Variants in PLCL1 observed in about 807,000 individuals in gnomAD.
PLCL1 encodes the protein inactive phospholipase C-like protein 1.
Under a neutral mutation model 84.4 loss-of-function variants are expected in PLCL1, and 41 were observed. That is an observed-to-expected ratio of 0.49 (90% confidence interval 0.38 to 0.63). The LOEUF (loss-of-function observed/expected upper bound fraction) is 0.63. Ranked by LOEUF, PLCL1 falls within the 30% of genes least tolerant of loss-of-function variation. PLCL1 has a pLI of 0.00. For missense variants in PLCL1, 1,206 were observed against 1,367.8 expected (o/e 0.88, Z 1.87); for synonymous variants, 490 against 488.3 (o/e 1.00, Z -0.05).
rs564250776 is a variant in PLCL1, at chr2:197,934,901, A to G, written c.240+129562A>G. 8.5e-5 allele frequency among the ~76,000 whole-genome samples: 13 copies of G among 152,328 alleles called. No homozygotes were observed. In the South Asian group the frequency reaches 2.7e-3, roughly 32 times the overall value. On this transcript the variant is annotated intron_variant, in intron 1 of 5. Coordinates refer to ENST00000428675, the MANE Select transcript of PLCL1 (RefSeq NM_006226.4). ...CAAATTCTGCATCTGACAAGGGTTTAATATTCAGAATCTAAATGAACTTAA... is the reference window on the plus strand; with the variant it reads ...CAAATTCTGCATCTGACAAGGGTTTGATATTCAGAATCTAAATGAACTTAA...
intron 1 of PLCL1, among the ~76,000 whole-genome samples, chr2:197,956,601 A>G (rs897094064): frequency 2.6e-5 from 4 of 152,136 alleles, no homozygotes; most frequent in African/African-American, 9.7e-5. Context: ...TGACTTTTTA[A>G]TAATCGCCAT....
intron 1 of PLCL1, among the ~76,000 whole-genome samples, chr2:197,866,184 A>G (rs1687538418): frequency 9.2e-6 from 1 of 108,264 alleles, no homozygotes; most frequent in Non-Finnish European, 1.8e-5. Context: ...AACTATATAT[A>G]TATATAAACT....
At chr2:198,139,825 TG>T (rs1694341187) in intron 5 of PLCL1, among the ~76,000 whole-genome samples, 2 of 152,190 alleles carry the variant, frequency 1.3e-5, no homozygotes, top group Non-Finnish European at 2.9e-5. Flanking sequence ...AGACCACCAT[TG>T]TTTCCAAAGC....
At chr2:198,020,375 T>C (rs1184669134) in intron 1 of PLCL1, among the ~76,000 whole-genome samples, 4 of 152,108 alleles carry the variant, frequency 2.6e-5, no homozygotes, top group African/African-American at 9.7e-5. Flanking sequence ...AGGATCAAGT[T>C]CACACATAAC....
At chr2:197,832,651 A>G (rs1352599036) in intron 1 of PLCL1, among the ~76,000 whole-genome samples, 1 of 152,244 alleles carries the variant, frequency 6.6e-6, no homozygotes, top group Non-Finnish European at 1.5e-5. Context: ...AACTCATTTT[A>G]TGAGGCCAGC....
intron 1 of PLCL1, among the ~76,000 whole-genome samples, chr2:197,858,509 T>A (rs1687372711): frequency 6.6e-6 from 1 of 152,174 alleles, no homozygotes; most frequent in South Asian, 2.1e-4. Flanking sequence ...TATAATTATA[T>A]GTTTACTTCC....
intron 1 of PLCL1, among the ~76,000 whole-genome samples, chr2:198,008,711 A>G (rs1690792672): frequency 6.6e-6 from 1 of 152,068 alleles, no homozygotes; most frequent in Non-Finnish European, 1.5e-5. Context: ...TCTTTTGGAT[A>G]TATACCCACA....
rs899384606 is a variant in PLCL1 at position 197,882,154 on chromosome 2, G to GC, written c.240+76817dup. Among the ~76,000 whole-genome samples, 183 of 152,204 alleles carry GC rather than the reference G, an allele frequency of 1.2e-3. 1 individual carries two copies. The highest frequency in any genetic ancestry group is 4.3e-3 in the African/African-American group (177 of 41,542). On this transcript the variant is annotated intron_variant, in intron 1 of 5. Coordinates refer to ENST00000428675, the MANE Select transcript of PLCL1 (RefSeq NM_006226.4). ...TCCTCAGGGCAGTGGAGGGGGAGGA[G>GC]CCAAGGCTTCCAGTTATTGGGAATC...
At chr2:198,042,395 T>G (rs1422761907) in intron 1 of PLCL1, among the ~76,000 whole-genome samples, 1 of 152,218 alleles carries the variant, frequency 6.6e-6, no homozygotes, top group Non-Finnish European at 1.5e-5. Flanking sequence ...GAAAGGTTAA[T>G]CTGCAATAGC....
chr2:197,952,128 C>A (rs887198571), intron 1 of PLCL1, among the ~76,000 whole-genome samples: 1 of 152,104 alleles, frequency 6.6e-6, no homozygotes, highest in Non-Finnish European at 1.5e-5. Flanking sequence ...TATTTATTGG[C>A]AACATAATTT....
intron 1 of PLCL1, among the ~76,000 whole-genome samples, chr2:197,986,949 G>C (rs1448015120): frequency 2.0e-5 from 3 of 152,158 alleles, no homozygotes; most frequent in Non-Finnish European, 4.4e-5. Context: ...CAGGTTCTAC[G>C]AAGTTAAGCC....
intron 1 of PLCL1, among the ~76,000 whole-genome samples, chr2:197,845,465 G>T (rs1260786143): frequency 1.3e-5 from 2 of 152,152 alleles, no homozygotes; most frequent in African/African-American, 4.8e-5. Context: ...CATGGAAAAA[G>T]AAGGCATAAA....
At chr2:197,866,273 T>C (rs1687542878) in intron 1 of PLCL1, among the ~76,000 whole-genome samples, 1 of 149,534 alleles carries the variant, frequency 6.7e-6, no homozygotes, top group Non-Finnish European at 1.5e-5. Flanking sequence ...TTTTCTTAGA[T>C]TAAACACCAA....
intron 5 of PLCL1, among the ~76,000 whole-genome samples, chr2:198,111,789 T>C (rs921416300): frequency 2.0e-5 from 3 of 151,930 alleles, no homozygotes; most frequent in Non-Finnish European, 2.9e-5. Context: ...CTATGCTATA[T>C]TGTCAAAATA....
chr2:197,853,698 T>C (rs1272852635), intron 1 of PLCL1, among the ~76,000 whole-genome samples: 2 of 152,174 alleles, frequency 1.3e-5, no homozygotes, highest in Non-Finnish European at 2.9e-5. Context: ...CTCCCTCCTA[T>C]GCATCCTGTA....
chr2:197,840,857 A>G (rs539959847), intron 1 of PLCL1, among the ~76,000 whole-genome samples: 1 of 152,308 alleles, frequency 6.6e-6, no homozygotes, highest in African/African-American at 2.4e-5. Flanking sequence ...CATGTGAGTA[A>G]ACAACAGAAT....
chr2:197,826,542 C>T (rs1295806851), intron 1 of PLCL1, among the ~76,000 whole-genome samples: 1 of 152,152 alleles, frequency 6.6e-6, no homozygotes, highest in East Asian at 1.9e-4. Context: ...TTTAACTCTA[C>T]TAACAGCCTT....
intron 1 of PLCL1, among the ~76,000 whole-genome samples, chr2:197,925,425 T>C (rs904709797): frequency 2.6e-5 from 4 of 152,170 alleles, no homozygotes; most frequent in African/African-American, 4.8e-5. Flanking sequence ...GTGAATACAG[T>C]AGACTCTTGG....
At chr2:197,823,366 A>G (rs1402810029) in intron 1 of PLCL1, among the ~76,000 whole-genome samples, 1 of 152,086 alleles carries the variant, frequency 6.6e-6, no homozygotes, top group East Asian at 1.9e-4. Context: ...CTCTATATAT[A>G]TATATGTGGT....
Sources: gnomAD v4.1 joint callset for allele counts (sites outside exome capture counted in the v4.1 genomes callset) on GRCh38, gnomAD v4.1.1 for gene constraint, MANE v1.5 for transcripts, NCBI Gene and HGNC (gene_info 2026-07-23, HGNC 2026-07-21) for gene names.